Variants in SYNE2 observed in about 807,000 individuals in gnomAD.
SYNE2 encodes the protein spectrin repeat containing nuclear envelope protein 2, also known as nesprin-2.
In SYNE2, 431 loss-of-function variants were observed where a neutral mutation model predicts 856.3. The observed-to-expected ratio is 0.50, with a 90% CI of 0.47 to 0.55. The LOEUF is 0.55. Ranked by LOEUF, SYNE2 falls within the 20% of genes least tolerant of loss-of-function variation. The pLI is 0.00. For missense variants in SYNE2, 8,129 were observed against 8,023.2 expected (o/e 1.01, Z -0.50); for synonymous variants, 2,923 against 2,872.3 (o/e 1.02, Z -0.56).
upstream of SYNE2, among the ~76,000 whole-genome samples, chr14:63,761,662 T>C (rs1202296561): frequency 6.6e-6 from 1 of 152,242 alleles, no homozygotes; most frequent in African/African-American, 2.4e-5. Context: ...ACTTATGACC[T>C]GCTTCAGAGA....
Position 64,070,755 on chromosome 14 carries a change from A to C in SYNE2, c.10542A>C (p.Leu3514Phe). The C allele has an allele frequency of 6.2e-7, 1 of 1,614,234 alleles. No individual in the cohort carries two copies. The highest frequency in any genetic ancestry group is 1.1e-5 in the South Asian group (1 of 91,092). Residue 3514 changes from leucine (L) to phenylalanine (F), a missense_variant, in exon 52 of 116, where the codon TTA becomes TTC. This residue lies in a region of SYNE2 where 5,410 missense variants were observed against 5,284.8 expected (regional missense o/e 1.02). Coordinates refer to ENST00000555002, the MANE Select transcript of SYNE2 (RefSeq NM_182914.3). ...TEELSELLDCLCQYGENVEKQ... is the reference protein window; with the variant it reads ...TEELSELLDCFCQYGENVEKQ... ...AACTCTCTGAGCTGCTAGACTGTTT[A>C]TGCCAATATGGAGAGAACGTGGAGA...
chr14:64,177,557 T>G (rs1482232513), intron 96 of SYNE2, 74 bp downstream of exon 96: 1 of 1,584,796 alleles, frequency 6.3e-7, no homozygotes, highest in Non-Finnish European at 8.7e-7. Context: ...CTTCTTTGCC[T>G]CTTTCTGTAT....
rs115975036 is a variant in SYNE2 at position 64,001,050 on chromosome 14, C to T, written c.3638+331C>T. Among the ~76,000 whole-genome samples, 1,498 of 152,186 alleles carry T rather than the reference C, an allele frequency of 9.8e-3. 29 individuals carry two copies. The highest frequency in any genetic ancestry group is 0.034 in the African/African-American group (1,416 of 41,500). ...ACATAAACTCTATGGGCATTGATCT[C>T]TTCATTTCTGAAATGAGAGTGTTAT... On this transcript the variant is annotated intron_variant, in intron 28 of 115. Transcript: ENST00000555002.
chr14:64,154,773 A>G (rs2098272167), intron 85 of SYNE2, among the ~76,000 whole-genome samples: 1 of 149,378 alleles, frequency 6.7e-6, no homozygotes, highest in Non-Finnish European at 1.5e-5. Context: ...AGCCTGGGCA[A>G]CACAGTGAGA....
chr14:64,130,099 A>G lies in SYNE2; in HGVS notation c.14191A>G (p.Ser4731Gly). 1 of 1,614,190 alleles carries G rather than the reference A, an allele frequency of 6.2e-7. No individual in the cohort carries two copies. Among genetic ancestry groups the G allele is most frequent in the Non-Finnish European group, 8.5e-7 (1 of 1,180,040 alleles). The change falls in exon 76 of 116, where the codon AGC becomes GGC. Residue 4731 changes from serine to glycine, a missense_variant. By Grantham distance (56) the Ser-to-Gly change is moderately conservative (BLOSUM62 0). Around this residue, in one of 3 missense-constraint regions of SYNE2, gnomAD observed 5,410 missense variants for 5,284.8 expected, o/e 1.02. Coordinates refer to ENST00000555002, the MANE Select transcript of SYNE2 (RefSeq NM_182914.3). Reference sequence around the variant, plus strand: ...GCTAAGAGCCAGGTACACAGAACTCAGCAGCCCTTTCGTCACTGAGAGCCA... The same window carrying G: ...GCTAAGAGCCAGGTACACAGAACTCGGCAGCCCTTTCGTCACTGAGAGCCA... The part of the protein sequence containing the change: ...GMLRARYTEL[S>G]SPFVTESQQD...
intron 99 of SYNE2, among the ~76,000 whole-genome samples, chr14:64,202,453 C>G (rs2098577582): frequency 6.6e-6 from 1 of 152,140 alleles, no homozygotes; most frequent in Non-Finnish European, 1.5e-5. Context: ...GTTATTTTCA[C>G]TTAGGAAAAA....
intron 1 of SYNE2, among the ~76,000 whole-genome samples, chr14:63,899,489 A>G (rs924065839): frequency 1.3e-5 from 2 of 151,980 alleles, no homozygotes; most frequent in African/African-American, 2.4e-5. Flanking sequence ...GGCATGAGTC[A>G]CTGTGCCTGG....
At chr14:63,970,212 C>T (rs778959992) in intron 11 of SYNE2, among the ~76,000 whole-genome samples, 10 of 150,864 alleles carry the variant, frequency 6.6e-5, no homozygotes, top group African/African-American at 1.9e-4. Context: ...TTTTTGAGAT[C>T]GAATCTCACT....
chr14:63,914,490 G>A (rs2095511940), intron 2 of SYNE2, among the ~76,000 whole-genome samples: 8 of 152,138 alleles, frequency 5.3e-5, no homozygotes. Flanking sequence ...GGATTAATCT[G>A]GCTTTGAGGT....
At chr14:63,963,853 C>T in intron 9 of SYNE2, 46 bp from the exon 10 acceptor site, 1 of 1,444,302 alleles carries the variant, frequency 6.9e-7, no homozygotes, top group Non-Finnish European at 9.7e-7. Flanking sequence ...TTAAAAAAAC[C>T]AAGCCCGTTT....
chr14:63,844,103 A>G (rs559918999), intron 1 of SYNE2, among the ~76,000 whole-genome samples: 101 of 152,348 alleles, frequency 6.6e-4, no homozygotes, highest in Admixed American at 2.4e-3. Context: ...TGACAAATGT[A>G]TGATGACATG....
rs200359168 is a variant in SYNE2 at position 64,049,850 on chromosome 14, G to A, written c.7617G>A (p.Leu2539=). The A allele has an allele frequency of 7.2e-5, 117 of 1,613,970 alleles. 1 individual carries two copies. Among genetic ancestry groups the A allele is most frequent in the Non-Finnish European group, 9.1e-5 (107 of 1,179,988 alleles). The stretch of plus-strand genomic sequence containing the variant: ...CAGTTGAATCTTCAATGAAAGCCTT[G>A]TTGACAGACAAGGAAAGTCTTAAAG... ...LAAVESSMKA[L]LTDKESLKVG... is the part of the protein sequence containing the mutation. Residue 2539 remains leucine, a synonymous_variant, in exon 47 of 116, where the codon TTG becomes TTA. Coordinates refer to ENST00000555002, the MANE Select transcript of SYNE2 (RefSeq NM_182914.3).
At chr14:63,837,806 C>T (rs1889908043) in intron 1 of SYNE2, among the ~76,000 whole-genome samples, 1 of 149,464 alleles carries the variant, frequency 6.7e-6, no homozygotes, top group African/African-American at 2.5e-5. Flanking sequence ...GTAGTCCCAG[C>T]TGCTTGGGAG....
rs568200385 is a variant in SYNE2, at chr14:64,069,302, C to G, written c.10432-1343C>G. 2.4e-4 allele frequency among the ~76,000 whole-genome samples: 36 copies of G among 152,048 alleles called. 3 individuals carry two copies. Among genetic ancestry groups the G allele is most frequent in the Admixed American group, 2.2e-3 (33 of 15,262 alleles). ...GGACAGAAAATGATACAATGGAAAC[C>G]CTTATCTCATTTCCTGGTGTAAGTG... On this transcript the variant is annotated intron_variant, in intron 51 of 115. Coordinates refer to ENST00000555002, the MANE Select transcript of SYNE2 (RefSeq NM_182914.3).
chr14:64,158,786 G>A lies in SYNE2; in HGVS notation c.15954G>A (p.Glu5318=). Residue 5318 remains glutamate, a synonymous_variant, in exon 86 of 116, where the codon GAG becomes GAA. Transcript: ENST00000555002. ...TGGAGACCTTGAGATGCCAGGTGGA[G>A]AACCTTCAGGTAAATTAACCAGAGC... ...LSLETLRCQV[E]NLQSLQDEAE... 4 of 1,613,808 alleles carry A rather than the reference G, an allele frequency of 2.5e-6. No individual in the cohort carries two copies. Among genetic ancestry groups the A allele is most frequent in the Admixed American group, 1.7e-5 (1 of 59,994 alleles).
intron 103 of SYNE2, among the ~76,000 whole-genome samples, 186 bp downstream of exon 103, chr14:64,210,310 G>T (rs1340018614): frequency 6.6e-6 from 1 of 152,242 alleles, no homozygotes; most frequent in Non-Finnish European, 1.5e-5. Flanking sequence ...AGGGGGATTT[G>T]CATGTGGGGC....
intron 1 of SYNE2, among the ~76,000 whole-genome samples, chr14:63,829,718 G>A (rs1052155616): frequency 4.6e-5 from 7 of 152,052 alleles, no homozygotes; most frequent in Non-Finnish European, 7.4e-5. Context: ...CTGGGATGAA[G>A]CTATCCTACC....
At chr14:63,913,469 T>TC (rs199978849) in intron 2 of SYNE2, among the ~76,000 whole-genome samples, 2 of 150,352 alleles carry the variant, frequency 1.3e-5, no homozygotes, top group African/African-American at 2.4e-5. Context: ...TTTCTTTCTT[T>TC]TTTTTTTTTC....
At chr14:64,147,049 C>T (rs191452675) in intron 84 of SYNE2, among the ~76,000 whole-genome samples, 2 of 152,354 alleles carry the variant, frequency 1.3e-5, no homozygotes, top group East Asian at 1.9e-4. Flanking sequence ...TTCTGACAGC[C>T]ACCTTGGAGT....
Sources: allele counts gnomAD v4.1 joint callset (sites outside exome capture counted in the v4.1 genomes callset), GRCh38; gene constraint gnomAD v4.1.1; regional missense constraint gnomAD v4.1.1; transcripts MANE v1.5; gene names NCBI Gene and HGNC (gene_info 2026-07-23, HGNC 2026-07-21).